DGKG: variants seen among roughly 807,000 people sequenced by gnomAD.
DGKG encodes DAG kinase gamma.
DGKG carries 78 observed loss-of-function variants against 105.3 expected under a neutral mutation model. The ratio of observed to expected loss-of-function variants is 0.74; its 90% CI spans 0.62 to 0.89. DGKG has a LOEUF of 0.89. Ranked by LOEUF, DGKG falls within the 40% of genes least tolerant of loss-of-function variation. The pLI is 0.00. For synonymous variants in DGKG, 346 were observed against 367.1 expected, an observed-to-expected ratio of 0.94 and a Z score of 0.66; for missense variants, 958 against 1,020.1, an observed-to-expected ratio of 0.94 and a Z score of 0.83.
intron 1 of DGKG, among the ~76,000 whole-genome samples, chr3:186,334,076 C>T (rs944723742): frequency 1.3e-5 from 2 of 152,176 alleles, no homozygotes; most frequent in Non-Finnish European, 2.9e-5. Flanking sequence ...CTCTAATTCT[C>T]CTTTCCTTTT....
At chr3:186,270,445 T>G (rs1290325533) in intron 11 of DGKG, among the ~76,000 whole-genome samples, 1 of 152,248 alleles carries the variant, frequency 6.6e-6, no homozygotes, top group Non-Finnish European at 1.5e-5. Flanking sequence ...ATAAATGTTT[T>G]AAATTACTTA....
At chr3:186,309,746 T>C (rs1724427431) in intron 2 of DGKG, among the ~76,000 whole-genome samples, 1 of 152,214 alleles carries the variant, frequency 6.6e-6, no homozygotes, top group Non-Finnish European at 1.5e-5. Flanking sequence ...GATATTTTGA[T>C]GTTCTCATCT....
At chr3:186,303,045 C>T (rs529107320) in intron 3 of DGKG, among the ~76,000 whole-genome samples, 2 of 152,226 alleles carry the variant, frequency 1.3e-5, no homozygotes, top group South Asian at 4.2e-4. Context: ...CTCCTGACTC[C>T]CTGTCCAGTG....
In DGKG at chr3:186,297,447, G is replaced by A. The variant is rs765535173; in HGVS notation, c.347C>T (p.Ala116Val). The A allele has an allele frequency of 1.1e-5, 18 of 1,612,822 alleles. No individual in the cohort carries two copies. The highest frequency in any genetic ancestry group is 1.3e-5 in the Non-Finnish European group (15 of 1,178,894). The stretch of plus-strand genomic sequence containing the variant: ...AGTATCAGGGGCACAGGCCTCGTCT[G>A]CTTTGGTGGCATTATCTGCATTCTG... ...NIQNADNATK[A>V]DEACAPDTES... The change falls in exon 5 of 25, where the codon GCA becomes GTA. Residue 116 changes from alanine to valine, a missense_variant. This residue lies in a region of DGKG where 643 missense variants were observed against 619.5 expected (regional missense o/e 1.04). Transcript: ENST00000265022.
At chr3:186,184,649 C>T (rs1214869939) in intron 22 of DGKG, among the ~76,000 whole-genome samples, 1 of 152,136 alleles carries the variant, frequency 6.6e-6, no homozygotes, top group Non-Finnish European at 1.5e-5. Flanking sequence ...ATTCGCCTGC[C>T]TCGGCCTCCC....
At chr3:186,190,371 C>A (rs151206567) in intron 21 of DGKG, among the ~76,000 whole-genome samples, 1 of 152,186 alleles carries the variant, frequency 6.6e-6, no homozygotes, top group African/African-American at 2.4e-5. Context: ...ACATCAACGA[C>A]GGGATCTAAT....
intron 1 of DGKG, among the ~76,000 whole-genome samples, chr3:186,331,521 G>T (rs886349316): frequency 1.3e-5 from 2 of 152,152 alleles, no homozygotes; most frequent in Non-Finnish European, 2.9e-5. Context: ...TCATTTGAGA[G>T]GTACTTTGTA....
chr3:186,313,812 C>T (rs1340168920), intron 2 of DGKG, among the ~76,000 whole-genome samples: 1 of 152,128 alleles, frequency 6.6e-6, no homozygotes, highest in East Asian at 1.9e-4. Flanking sequence ...TGCTGAAACA[C>T]ATGTAGGTGA....
intron 1 of DGKG, among the ~76,000 whole-genome samples, chr3:186,341,608 A>G (rs1014377066): frequency 6.6e-6 from 1 of 152,262 alleles, no homozygotes; most frequent in Admixed American, 6.5e-5. Context: ...ATGTATACAT[A>G]ATTATAAAGA....
At chr3:186,227,558 A>G (rs725442) in intron 20 of DGKG, among the ~76,000 whole-genome samples, 31,517 of 152,076 alleles carry the variant, frequency 0.21, 3,442 homozygotes, top group Middle Eastern at 0.26. Context: ...GTTTCTGTGA[A>G]ATAATTTACT....
intron 1 of DGKG, among the ~76,000 whole-genome samples, chr3:186,337,137 C>T (rs1032820760): frequency 2.6e-4 from 39 of 152,262 alleles, no homozygotes; most frequent in Admixed American, 1.4e-3. Flanking sequence ...TTCTATGAGG[C>T]TAGCATAACC....
chr3:186,320,126 T>C (rs923483034), intron 2 of DGKG, among the ~76,000 whole-genome samples: 22 of 152,212 alleles, frequency 1.4e-4, no homozygotes, highest in African/African-American at 5.3e-4. Flanking sequence ...TCTAAGATGT[T>C]TGCAGTGTTG....
At chr3:186,320,039 G>A (rs929636059) in intron 2 of DGKG, among the ~76,000 whole-genome samples, 4 of 152,162 alleles carry the variant, frequency 2.6e-5, no homozygotes, top group Admixed American at 1.3e-4. Flanking sequence ...TATATTAGGC[G>A]GAAAATGCAG....
chr3:186,224,113 C>G (rs946773623), intron 20 of DGKG, among the ~76,000 whole-genome samples: 3 of 152,180 alleles, frequency 2.0e-5, no homozygotes, highest in African/African-American at 4.8e-5. Flanking sequence ...TTTGAACACT[C>G]TACTTTATCC....
chr3:186,205,439 G>C (rs1448780647), intron 21 of DGKG, among the ~76,000 whole-genome samples: 1 of 152,122 alleles, frequency 6.6e-6, no homozygotes, highest in African/African-American at 2.4e-5. Flanking sequence ...GCCAGGCGCG[G>C]TGGCTCACGC....
In DGKG at chr3:186,333,363, A is replaced by G. The variant is rs193187305; in HGVS notation, c.-248-12656T>C. Among the ~76,000 whole-genome samples the G allele has an allele frequency of 2.3e-4, 35 of 152,218 alleles. No homozygotes were observed. In the East Asian group the frequency reaches 6.6e-3, roughly 29 times the overall value. ...AGAGAAACTTGGAGTATCTGGAGCTATTTCTTTTTCTTAATGGGGACCTTA... is the reference window on the plus strand; with the variant it reads ...AGAGAAACTTGGAGTATCTGGAGCTGTTTCTTTTTCTTAATGGGGACCTTA... On this transcript the variant is annotated intron_variant, in intron 1 of 24. Transcript: ENST00000265022.
At chr3:186,216,831 G>A (rs1719316462) in intron 20 of DGKG, among the ~76,000 whole-genome samples, 1 of 152,134 alleles carries the variant, frequency 6.6e-6, no homozygotes, top group African/African-American at 2.4e-5. Flanking sequence ...GCAGAATGTG[G>A]CACTGAGCTT....
chr3:186,150,537 GTAGCC>G (rs1017295355), intron 24 of DGKG, among the ~76,000 whole-genome samples: 9 of 152,168 alleles, frequency 5.9e-5, no homozygotes, highest in African/African-American at 1.9e-4. Context: ...GCCCATTAGA[GTAGCC>G]TAAGTTCACA....
intron 21 of DGKG, among the ~76,000 whole-genome samples, chr3:186,194,522 T>C (rs1718079125): frequency 6.6e-6 from 1 of 152,328 alleles, no homozygotes; most frequent in African/African-American, 2.4e-5. Context: ...TGATGACCTG[T>C]TTCAGTTTTT....
Sources: allele counts gnomAD v4.1 joint callset (sites outside exome capture counted in the v4.1 genomes callset), GRCh38; gene constraint gnomAD v4.1.1; regional missense constraint gnomAD v4.1.1; transcripts MANE v1.5; gene names NCBI Gene and HGNC (gene_info 2026-07-23, HGNC 2026-07-21).